The following EXTL3 variants were observed in gnomAD, a reference collection of about 807,000 sequenced individuals.
EXTL3 encodes the protein exostosin like glycosyltransferase 3.
EXTL3 carries 27 observed loss-of-function variants against 69.3 expected under a neutral mutation model. That is an observed-to-expected ratio of 0.39 (90% CI 0.29 to 0.54). EXTL3 has a LOEUF of 0.54. Ranked by LOEUF, EXTL3 falls within the 20% of genes least tolerant of loss-of-function variation. The pLI, the probability that EXTL3 is intolerant of heterozygous loss-of-function variation, is 0.69. For missense variants in EXTL3, 1,003 were observed against 1,231.8 expected, an observed-to-expected ratio of 0.81 and a Z score of 2.78; for synonymous variants, 511 against 499.4, an observed-to-expected ratio of 1.02 and a Z score of -0.31.
intron 1 of EXTL3, among the ~76,000 whole-genome samples, chr8:28,712,834 A>C (rs958620835): frequency 2.0e-5 from 3 of 152,228 alleles, no homozygotes; most frequent in Non-Finnish European, 2.9e-5. Flanking sequence ...AGTTGGTAGC[A>C]CTAGAAATAT....
chr8:28,746,127 C>T (rs1470552812), intron 6 of EXTL3, among the ~76,000 whole-genome samples: 1 of 151,946 alleles, frequency 6.6e-6, no homozygotes, highest in Non-Finnish European at 1.5e-5. Flanking sequence ...TTTTGTTGTG[C>T]TTTAAATACC....
upstream of EXTL3, chr8:28,701,130 G>A (rs1456730995): frequency 6.6e-6 from 1 of 152,270 alleles, no homozygotes; most frequent in Non-Finnish European, 1.5e-5. Flanking sequence ...TAGATTCAGG[G>A]ATTTATGACT....
intron 1 of EXTL3, among the ~76,000 whole-genome samples, chr8:28,671,701 A>G (rs56234561): frequency 5.0e-4 from 76 of 152,254 alleles, no homozygotes; most frequent in Non-Finnish European, 8.7e-4. Flanking sequence ...AACTCACCCC[A>G]TGTTAATGCA....
chr8:28,615,415 C>T (rs963243186), intron 2 of EXTL3, among the ~76,000 whole-genome samples: 1 of 152,100 alleles, frequency 6.6e-6, no homozygotes, highest in Non-Finnish European at 1.5e-5. Context: ...TTTGCCTCAT[C>T]TATTTTGATG....
chr8:28,659,745 C>T (rs981013543), intron 1 of EXTL3, among the ~76,000 whole-genome samples: 20 of 152,198 alleles, frequency 1.3e-4, no homozygotes, highest in Non-Finnish European at 2.1e-4. Flanking sequence ...CAAAGAGCTG[C>T]TTTTAAGCTT....
rs934606663 is a variant in EXTL3 at position 28,716,947 on chromosome 8, C to T, written c.888C>T (p.Ala296=). 5.0e-6 allele frequency: 8 copies of T among 1,614,110 alleles called. No homozygotes were observed. Among genetic ancestry groups the T allele is most frequent in the Non-Finnish European group, 5.1e-6 (6 of 1,180,046 alleles). ...TCTATAACGTCAGTACTGGCCGTGC[C>T]ATGGTGGCCCAGTCCACCTTCTACA... ...NLLYNVSTGR[A]MVAQSTFYTV... is the part of the protein sequence containing the mutation. The change falls in exon 3 of 7, where the codon GCC becomes GCT. Residue 296 remains alanine (A), a synonymous_variant. Transcript: ENST00000220562. The surrounding 1 kb of genome is among the most constrained non-coding windows in gnomAD (Gnocchi z 7.1).
chr8:28,675,848 C>A (rs1344862244), intron 1 of EXTL3, among the ~76,000 whole-genome samples: 1 of 151,810 alleles, frequency 6.6e-6, no homozygotes, highest in Non-Finnish European at 1.5e-5. Flanking sequence ...ATGGTGAAAC[C>A]CCATCTCTAC....
At chr8:28,697,041 G>A (rs1311386511), upstream of EXTL3, 1 of 152,114 alleles carries the variant, frequency 6.6e-6, no homozygotes, top group Non-Finnish European at 1.5e-5. Context: ...TGAATTGATG[G>A]TCACTCATGA....
At chr8:28,645,919 G>C (rs1001221177) in intron 1 of EXTL3, among the ~76,000 whole-genome samples, 1 of 151,876 alleles carries the variant, frequency 6.6e-6, no homozygotes, top group Non-Finnish European at 1.5e-5. Context: ...CTGGAGTGTG[G>C]TGTTGTGATC....
At chr8:28,686,269 G>A (rs1241124350) in intron 1 of EXTL3, among the ~76,000 whole-genome samples, 1 of 151,736 alleles carries the variant, frequency 6.6e-6, no homozygotes, top group Non-Finnish European at 1.5e-5. Context: ...ACATGGGGGT[G>A]GATCACTTGA....
chr8:28,609,988 G>C (rs1806250763), intron 2 of EXTL3, among the ~76,000 whole-genome samples: 1 of 151,082 alleles, frequency 6.6e-6, no homozygotes, highest in Admixed American at 6.6e-5. Flanking sequence ...TGGATCACCT[G>C]CGGTCAGGAG....
upstream of EXTL3, among the ~76,000 whole-genome samples, chr8:28,619,266 T>TAAAAAAAAAAAAAAAAAAAA (rs755355444): frequency 3.1e-5 from 2 of 64,656 alleles, no homozygotes; most frequent in Non-Finnish European, 5.5e-5. Flanking sequence ...AGCTTAGTGA[T>TAAAAAAAAAAAAAAAAAAAA]AAAAAAAAAA....
intron 1 of EXTL3, among the ~76,000 whole-genome samples, chr8:28,707,895 T>C (rs1202746275): frequency 1.3e-5 from 2 of 152,232 alleles, no homozygotes; most frequent in Non-Finnish European, 2.9e-5. Flanking sequence ...TGAGGACTTA[T>C]CCTGGGAGTT....
In EXTL3 at chr8:28,718,038, G is replaced by A. The variant is rs888609307; in HGVS notation, c.1979G>A (p.Arg660Gln). The A allele has an allele frequency of 6.8e-6, 11 of 1,613,958 alleles. No individual in the cohort carries two copies. The highest frequency in any genetic ancestry group is 2.2e-5 in the East Asian group (1 of 44,886). The stretch of plus-strand genomic sequence containing the variant: ...GCAGCGCTTGGAGGCAATGTTCCCC[G>A]AGAGCAGTTCACGGTGGTGATGTTG... ...FQAALGGNVPREQFTVVMLTY... is the reference protein window; with the variant it reads ...FQAALGGNVPQEQFTVVMLTY... The change falls in exon 3 of 7, where the codon CGA becomes CAA. Residue 660 changes from arginine to glutamine, a missense_variant. Physicochemically the swap from Arg to Gln is conservative, Grantham distance 43. Coordinates refer to ENST00000220562, the MANE Select transcript of EXTL3 (RefSeq NM_001440.4).
chr8:28,671,375 G>A (rs365333), intron 1 of EXTL3, among the ~76,000 whole-genome samples: 7,790 of 140,330 alleles, frequency 0.056, 352 homozygotes, highest in African/African-American at 0.13. Context: ...GCAGTGTCAC[G>A]ATCTCTGCTC....
Position 28,689,979 on chromosome 8 carries a change from T to C in EXTL3, c.-52-23478T>C, listed in dbSNP as rs148006935. On this transcript the variant is annotated intron_variant, in intron 1 of 6. Transcript: ENST00000523149. ...GAGATCACAGTCTTTGCTGATCCGATCTCTCTTCCAACTCAGCCATAAATA... is the reference window on the plus strand; with the variant it reads ...GAGATCACAGTCTTTGCTGATCCGACCTCTCTTCCAACTCAGCCATAAATA... Among the ~76,000 whole-genome samples the C allele has an allele frequency of 3.0e-3, 461 of 152,218 alleles. 3 individuals are homozygous for C. Among genetic ancestry groups the C allele is most frequent in the African/African-American group, 0.011 (446 of 41,534 alleles).
At chr8:28,622,448 G>A (rs1179536165), upstream of EXTL3, among the ~76,000 whole-genome samples, 2 of 152,340 alleles carry the variant, frequency 1.3e-5, no homozygotes, top group East Asian at 3.9e-4. Context: ...CCGGGCTCTG[G>A]GGCCTGCACG....
At position 28,750,783 on chromosome 8, in the gene EXTL3, C is replaced by T; in HGVS notation, c.2677C>T (p.Leu893=). The T allele has an allele frequency of 6.2e-7, 1 of 1,614,214 alleles. No homozygotes were observed. The highest frequency in any genetic ancestry group is 1.3e-5 in the African/African-American group (1 of 75,056). ...GAAGGTGTACGGCTACATGCCCCTC[C>T]TGTACACGCAGTTCAGGGTGGATTC... ...FVKVYGYMPL[L]YTQFRVDSVL... The change falls in exon 7 of 7, where the codon CTG becomes TTG. Residue 893 remains leucine (L), a synonymous_variant. Coordinates refer to ENST00000220562, the MANE Select transcript of EXTL3 (RefSeq NM_001440.4). The surrounding 1 kb of genome is among the most constrained non-coding windows in gnomAD (Gnocchi z 5.2).
At chr8:28,697,617 C>T (rs1214644887), upstream of EXTL3, 3 of 152,088 alleles carry the variant, frequency 2.0e-5, no homozygotes, top group Non-Finnish European at 2.9e-5. Flanking sequence ...GGCAGATTGC[C>T]TGACCTCAGG....
Sources: gnomAD v4.1 joint callset for allele counts (sites outside exome capture counted in the v4.1 genomes callset) on GRCh38, gnomAD v4.1.1 for gene constraint, Gnocchi (gnomAD v3.1) non-coding constraint, MANE v1.5 for transcripts, NCBI Gene and HGNC (gene_info 2026-07-23, HGNC 2026-07-21) for gene names.